PRKCQ: variants seen among roughly 807,000 people sequenced by gnomAD.
The protein encoded by PRKCQ is protein kinase C theta type.
PRKCQ carries 41 observed loss-of-function variants against 91.2 expected under a neutral mutation model. That is an observed-to-expected ratio of 0.45 (90% CI 0.35 to 0.58). The LOEUF (loss-of-function observed/expected upper bound fraction) is 0.58. Ranked by LOEUF, PRKCQ falls within the 20% of genes least tolerant of loss-of-function variation. The probability of loss-of-function intolerance (pLI) is 0.00; values close to 1 mark genes in which losing one functional copy is unlikely to be tolerated. For missense variants in PRKCQ, 673 were observed against 896.5 expected, an observed-to-expected ratio of 0.75 and a Z score of 3.18; for synonymous variants, 307 against 316.9, an observed-to-expected ratio of 0.97 and a Z score of 0.33.
intron 13 of PRKCQ, among the ~76,000 whole-genome samples, chr10:6,462,632 T>C (rs115799776): frequency 6.6e-6 from 1 of 152,350 alleles, no homozygotes; most frequent in African/African-American, 2.4e-5. Context: ...CTTGTTCTTA[T>C]ATTTTAAACA....
intron 15 of PRKCQ, among the ~76,000 whole-genome samples, chr10:6,442,979 C>A (rs1296987879): frequency 6.6e-6 from 1 of 151,866 alleles, no homozygotes; most frequent in Non-Finnish European, 1.5e-5. Context: ...AAAAAAAACC[C>A]CAAAGCACTC....
At chr10:6,435,573 A>G (rs113723904) in intron 16 of PRKCQ, among the ~76,000 whole-genome samples, 2,180 of 152,302 alleles carry the variant, frequency 0.014, 17 homozygotes, top group Non-Finnish European at 0.021. Flanking sequence ...ATGGGAAATA[A>G]CAAGTCCAAA....
At chr10:6,511,337 C>G in intron 2 of PRKCQ, 143 bp from the exon 3 acceptor site, 1 of 754,862 alleles carries the variant, frequency 1.3e-6, no homozygotes, top group Non-Finnish European at 2.2e-6. Context: ...CATAAACAAT[C>G]AGAGACAATA....
At chr10:6,406,947 G>T in the PRKCQ span, among the ~76,000 whole-genome samples, 1 of 152,178 alleles carries the variant, frequency 6.6e-6, no homozygotes, top group Non-Finnish European at 1.5e-5. Flanking sequence ...TAATAAAGTT[G>T]AAATGAACGA....
chr10:6,498,830 G>C (rs1837759440), intron 4 of PRKCQ, among the ~76,000 whole-genome samples: 1 of 152,210 alleles, frequency 6.6e-6, no homozygotes, highest in Admixed American at 6.5e-5. Context: ...TGACTGGGCT[G>C]AGCGATATAT....
chr10:6,514,303 C>A (rs1838639900), intron 2 of PRKCQ, among the ~76,000 whole-genome samples: 1 of 152,124 alleles, frequency 6.6e-6, no homozygotes, highest in African/African-American at 2.4e-5. Context: ...AAATCCGTGG[C>A]AAACTTCCAA....
At chr10:6,411,344 T>C in the PRKCQ span, among the ~76,000 whole-genome samples, 1 of 152,186 alleles carries the variant, frequency 6.6e-6, no homozygotes, top group South Asian at 2.1e-4. Flanking sequence ...GCTATGATTA[T>C]TTTTTTCCTC....
At chr10:6,517,968 A>C (rs1352576620) in intron 1 of PRKCQ, among the ~76,000 whole-genome samples, 1 of 152,224 alleles carries the variant, frequency 6.6e-6, no homozygotes, top group East Asian at 1.9e-4. Flanking sequence ...ATGCAGAATA[A>C]GATACTATGT....
At chr10:6,415,448 AT>A in the PRKCQ span, among the ~76,000 whole-genome samples, 2 of 103,144 alleles carry the variant, frequency 1.9e-5, no homozygotes, top group African/African-American at 7.4e-5. Flanking sequence ...ATATATATAT[AT>A]ATATATACAC....
chr10:6,550,450 G>A (rs534659420), intron 1 of PRKCQ, among the ~76,000 whole-genome samples: 33 of 152,108 alleles, frequency 2.2e-4, no homozygotes, highest in African/African-American at 7.5e-4. Flanking sequence ...ATTTTTATAT[G>A]TTTAGTAAAG....
At chr10:6,491,546 C>T (rs753958744) in intron 8 of PRKCQ, 137 bp downstream of exon 8, 370 of 1,209,348 alleles carry the variant, frequency 3.1e-4, no homozygotes, top group Non-Finnish European at 4.0e-4. Flanking sequence ...CCCAGAAGAC[C>T]ATACTTATGA....
chr10:6,494,824 C>T (rs1837505158), intron 7 of PRKCQ, among the ~76,000 whole-genome samples: 1 of 152,122 alleles, frequency 6.6e-6, no homozygotes, highest in African/African-American at 2.4e-5. Context: ...AGGGTTGGGC[C>T]CTTGTCCCAG....
At chr10:6,569,981 G>A (rs1329039717) in intron 1 of PRKCQ, among the ~76,000 whole-genome samples, 1 of 151,988 alleles carries the variant, frequency 6.6e-6, no homozygotes, top group East Asian at 1.9e-4. Flanking sequence ...ATGCTCACAG[G>A]GCGGGAAAAT....
At chr10:6,499,864 C>A (rs1195655317) in intron 4 of PRKCQ, among the ~76,000 whole-genome samples, 1 of 152,190 alleles carries the variant, frequency 6.6e-6, no homozygotes, top group Non-Finnish European at 1.5e-5. Context: ...TCTAGGTAGA[C>A]AAAGGAGGAG....
chr10:6,414,971 AT>A, the PRKCQ span, among the ~76,000 whole-genome samples: 5 of 150,996 alleles, frequency 3.3e-5, no homozygotes, highest in South Asian at 2.1e-4. Context: ...TTTTAATTTA[AT>A]TTTTTTTTGA....
intron 1 of PRKCQ, among the ~76,000 whole-genome samples, chr10:6,516,613 G>GAAAAATCACT: frequency 6.6e-6 from 1 of 152,204 alleles, no homozygotes; most frequent in African/African-American, 2.4e-5. Flanking sequence ...CACAAATCAG[G>GAAAAATCACT]AAAAATCACT....
the PRKCQ span, among the ~76,000 whole-genome samples, chr10:6,403,811 G>T: frequency 6.8e-6 from 1 of 147,988 alleles, no homozygotes; most frequent in Admixed American, 7.0e-5. Flanking sequence ...CTCGATAATT[G>T]TTTGTTTCAG....
At chr10:6,413,316 A>G in the PRKCQ span, among the ~76,000 whole-genome samples, 1 of 151,850 alleles carries the variant, frequency 6.6e-6, no homozygotes, top group Admixed American at 6.6e-5. Flanking sequence ...TTAAACAGCA[A>G]AAACAAATGA....
intron 12 of PRKCQ, among the ~76,000 whole-genome samples, chr10:6,470,912 G>C (rs1180265570): frequency 7.2e-6 from 1 of 139,100 alleles, no homozygotes; most frequent in East Asian, 2.2e-4. Context: ...CTGGGCAACA[G>C]AGTGAGACTG....
Sources: gnomAD v4.1 joint callset for allele counts (sites outside exome capture counted in the v4.1 genomes callset) on GRCh38, gnomAD v4.1.1 for gene constraint, MANE v1.5 for transcripts, NCBI Gene and HGNC (gene_info 2026-07-23, HGNC 2026-07-21) for gene names.